ATRNL1: variants seen among roughly 807,000 people sequenced by gnomAD.
ATRNL1 encodes attractin-like protein 1.
In ATRNL1, 95 loss-of-function variants were observed where a neutral mutation model predicts 182.7. The observed-to-expected ratio is 0.52, with a 90% CI of 0.44 to 0.62. ATRNL1 has a LOEUF of 0.62. Among genes scored for constraint, ATRNL1 ranks in the 20% least tolerant of loss-of-function variants. The pLI, the probability that ATRNL1 is intolerant of heterozygous loss-of-function variation, is 0.00. For synonymous variants in ATRNL1, 576 were observed against 568.3 expected (o/e 1.01, Z -0.19); for missense variants, 1,471 against 1,679.5 (o/e 0.88, Z 2.17).
intron 18 of ATRNL1, among the ~76,000 whole-genome samples, chr10:115,330,855 T>A (rs993858519): frequency 1.3e-5 from 2 of 151,786 alleles, no homozygotes; most frequent in South Asian, 2.1e-4. Context: ...TTATTTTTTT[T>A]AAATAAGCTT....
chr10:115,311,765 T>A (rs1424561832), intron 17 of ATRNL1, among the ~76,000 whole-genome samples: 1 of 152,218 alleles, frequency 6.6e-6, no homozygotes, highest in Non-Finnish European at 1.5e-5. Context: ...GTATTGATTG[T>A]TTTATGAATT....
chr10:115,821,826 A>G (rs1194300537), intron 27 of ATRNL1, among the ~76,000 whole-genome samples: 6 of 152,202 alleles, frequency 3.9e-5, no homozygotes, highest in Non-Finnish European at 5.9e-5. Context: ...CTCCCACACA[A>G]TAATAGTGGG....
chr10:115,591,203 G>A (rs1451709367), intron 26 of ATRNL1, among the ~76,000 whole-genome samples: 3 of 152,158 alleles, frequency 2.0e-5, no homozygotes, highest in Admixed American at 1.3e-4. Context: ...TCTCTGGTTT[G>A]GAGATAGACT....
intron 20 of ATRNL1, among the ~76,000 whole-genome samples, chr10:115,408,255 G>A (rs896779992): frequency 7.9e-5 from 12 of 151,002 alleles, no homozygotes; most frequent in African/African-American, 2.4e-4. Context: ...CACCCGCCTC[G>A]GCCTCCCAAA....
chr10:115,893,519 A>T (rs1336232347), intron 28 of ATRNL1, among the ~76,000 whole-genome samples: 1 of 152,216 alleles, frequency 6.6e-6, no homozygotes, highest in East Asian at 1.9e-4. Flanking sequence ...TTATATGTAG[A>T]TGATATAGCA....
rs568535102 is a variant in ATRNL1 at position 115,776,517 on chromosome 10, G to C, written c.3903+49162G>C. Among the ~76,000 whole-genome samples, 3 of 152,220 alleles carry C rather than the reference G, an allele frequency of 2.0e-5. No homozygotes were observed. In the South Asian group the frequency reaches 6.2e-4, roughly 32 times the overall value. On this transcript the variant is annotated intron_variant, in intron 27 of 28. Transcript: ENST00000355044. ...GTGGGATCTGACTGTCTGACTAACA[G>C]AATGTGGTGGCAGTGAAGTTTGTCA... is the stretch of plus-strand genomic sequence containing the variant.
At chr10:115,739,960 A>G (rs1475444032) in intron 27 of ATRNL1, among the ~76,000 whole-genome samples, 1 of 152,204 alleles carries the variant, frequency 6.6e-6, no homozygotes. Context: ...TAATCTCATC[A>G]GGTTTATATC....
At chr10:115,552,544 A>C (rs1272667477) in intron 26 of ATRNL1, among the ~76,000 whole-genome samples, 2 of 151,376 alleles carry the variant, frequency 1.3e-5, no homozygotes, top group Non-Finnish European at 3.0e-5. Context: ...TAAAATGAAA[A>C]TAATCTTTGG....
At chr10:115,753,022 A>C (rs184525367) in intron 27 of ATRNL1, among the ~76,000 whole-genome samples, 159 of 152,160 alleles carry the variant, frequency 1.0e-3, no homozygotes, top group African/African-American at 3.7e-3. Context: ...ACACTAGGTG[A>C]ATTAGTTTAC....
chr10:115,771,268 TC>T (rs1948982632), intron 27 of ATRNL1, among the ~76,000 whole-genome samples: 1 of 150,924 alleles, frequency 6.6e-6, no homozygotes, highest in Non-Finnish European at 1.5e-5. Context: ...TCTCACTCTT[TC>T]GCCCAGGCCG....
At chr10:115,630,296 T>C (rs1858399354) in intron 26 of ATRNL1, among the ~76,000 whole-genome samples, 1 of 152,010 alleles carries the variant, frequency 6.6e-6, no homozygotes, top group Non-Finnish European at 1.5e-5. Context: ...GAAATGAAAA[T>C]TAAAACCACA....
chr10:115,439,273 C>T (rs1229868240), intron 21 of ATRNL1, among the ~76,000 whole-genome samples: 1 of 151,714 alleles, frequency 6.6e-6, no homozygotes, highest in Admixed American at 6.6e-5. Context: ...TATGAGTGGA[C>T]TTGCATAGCT....
chr10:115,436,012 T>G (rs1280150309), intron 21 of ATRNL1, among the ~76,000 whole-genome samples: 1 of 152,120 alleles, frequency 6.6e-6, no homozygotes, highest in Non-Finnish European at 1.5e-5. Flanking sequence ...GCAAGCATTT[T>G]TATTGTTGGG....
At chr10:115,239,224 A>G (rs978164885) in intron 9 of ATRNL1, among the ~76,000 whole-genome samples, 1 of 151,656 alleles carries the variant, frequency 6.6e-6, no homozygotes, top group Non-Finnish European at 1.5e-5. Flanking sequence ...ACTAGAGATT[A>G]TTTTATTTTA....
intron 9 of ATRNL1, among the ~76,000 whole-genome samples, chr10:115,229,256 T>C (rs782175005): frequency 6.6e-6 from 1 of 152,206 alleles, no homozygotes; most frequent in Non-Finnish European, 1.5e-5. Context: ...ATAATAGAAG[T>C]TGTTTTTACA....
chr10:115,171,200 T>C lies in ATRNL1; in HGVS notation c.1256T>C (p.Met419Thr). ...YAVEGHSAHI[M>T]ELDSRDVVMI... The stretch of plus-strand genomic sequence containing the variant: ...GTGGAGGGACATTCAGCACATATTA[T>C]GGAGTTGGATAGTAGAGATGTTGTC... The change falls in exon 8 of 29, where the codon ATG (methionine) becomes ACG (threonine). Residue 419 changes from methionine to threonine, a missense_variant. Met to Thr is a moderately conservative substitution (Grantham distance 81). Transcript: ENST00000355044. 2 of 1,611,136 alleles carry C rather than the reference T, an allele frequency of 1.2e-6. No individual in the cohort carries two copies. Among genetic ancestry groups the C allele is most frequent in the Non-Finnish European group, 1.7e-6 (2 of 1,178,064 alleles).
intron 5 of ATRNL1, among the ~76,000 whole-genome samples, chr10:115,145,242 A>G (rs1554879039): frequency 6.6e-6 from 1 of 152,168 alleles, no homozygotes; most frequent in African/African-American, 2.4e-5. Context: ...AGGATGGAAG[A>G]TAAGTGACTC....
intron 10 of ATRNL1, among the ~76,000 whole-genome samples, chr10:115,262,066 A>C (rs1440985202): frequency 6.6e-6 from 1 of 152,080 alleles, no homozygotes; most frequent in Non-Finnish European, 1.5e-5. Context: ...ACAGATGAAA[A>C]TACAAGAAAC....
intron 26 of ATRNL1, among the ~76,000 whole-genome samples, chr10:115,703,295 A>T (rs1430579362): frequency 1.3e-5 from 2 of 152,014 alleles, no homozygotes; most frequent in Non-Finnish European, 2.9e-5. Context: ...AAGACCTCAA[A>T]CTATAAGAAT....
Sources: gnomAD v4.1 joint callset for allele counts (sites outside exome capture counted in the v4.1 genomes callset) on GRCh38, gnomAD v4.1.1 for gene constraint, MANE v1.5 for transcripts, NCBI Gene and HGNC (gene_info 2026-07-23, HGNC 2026-07-21) for gene names.